The following HS3ST1 variants were observed in gnomAD, a reference collection of about 807,000 sequenced individuals.
HS3ST1 encodes the protein heparan sulfate-glucosamine 3-sulfotransferase 1.
In HS3ST1, 8 loss-of-function variants were observed where a neutral mutation model predicts 20.7. The ratio of observed to expected loss-of-function variants is 0.39; its 90% CI spans 0.23 to 0.70. The LOEUF is 0.70. HS3ST1 is among the 30% of genes least tolerant of loss of function. HS3ST1 has a pLI of 0.46. For missense variants in HS3ST1, 436 were observed against 423.4 expected, an observed-to-expected ratio of 1.03 and a Z score of -0.26; for synonymous variants, 205 against 190.4, an observed-to-expected ratio of 1.08 and a Z score of -0.63.
At chr4:11,433,971 A>G (rs1329033741), upstream of HS3ST1, among the ~76,000 whole-genome samples, 1 of 152,246 alleles carries the variant, frequency 6.6e-6, no homozygotes, top group African/African-American at 2.4e-5. Context: ...CAATCAGCAC[A>G]TGCTGTTTCT....
intron 1 of HS3ST1, among the ~76,000 whole-genome samples, chr4:11,420,852 C>T (rs914667162): frequency 6.6e-6 from 1 of 152,210 alleles, no homozygotes; most frequent in African/African-American, 2.4e-5. Flanking sequence ...CAAGTCATTT[C>T]ACCTTGAAGA....
Position 11,399,764 on chromosome 4 carries a change from G to T in HS3ST1, c.242C>A (p.Ala81Glu), listed in dbSNP as rs762454446. Residue 81 changes from alanine to glutamate, a missense_variant, in exon 2 of 2, where the codon GCG (alanine) becomes GAG (glutamate). Ala to Glu is a moderately radical substitution (Grantham distance 107, BLOSUM62 -1). Coordinates refer to ENST00000002596, the MANE Select transcript of HS3ST1 (RefSeq NM_005114.4). This position sits in a 1 kb window ranked among gnomAD's most constrained non-coding sequence, Gnocchi z 5.1. ...GAAGTGGACCTCGTTCTCCGCGGCC[G>T]CCACGTCGGGGTGCAGGCTGAGCAT... ...LEMLSLHPDV[A>E]AAENEVHFFD... The T allele has an allele frequency of 1.9e-6, 3 of 1,613,706 alleles. No individual in the cohort carries two copies. The highest frequency in any genetic ancestry group is 2.2e-5 in the South Asian group (2 of 91,082).
intron 1 of HS3ST1, among the ~76,000 whole-genome samples, chr4:11,426,934 G>C (rs1719075518): frequency 6.6e-6 from 1 of 152,250 alleles, no homozygotes; most frequent in African/African-American, 2.4e-5. Context: ...ATTTGCAGCG[G>C]AGCGCGCGTC....
chr4:11,408,249 A>G (rs1365963092), intron 1 of HS3ST1, among the ~76,000 whole-genome samples: 1 of 152,184 alleles, frequency 6.6e-6, no homozygotes, highest in Non-Finnish European at 1.5e-5. Flanking sequence ...TACTGTGAGG[A>G]TTAAATAAAA....
At chr4:11,406,479 G>C (rs1718468456) in intron 1 of HS3ST1, among the ~76,000 whole-genome samples, 1 of 152,190 alleles carries the variant, frequency 6.6e-6, no homozygotes, top group African/African-American at 2.4e-5. Context: ...CTGGCACACA[G>C]TTATTCAACA....
chr4:11,401,595 C>T (rs762724573), intron 1 of HS3ST1, among the ~76,000 whole-genome samples: 14 of 152,126 alleles, frequency 9.2e-5, no homozygotes, highest in Non-Finnish European at 1.3e-4. Context: ...CTGCCTGCCT[C>T]GGCCTCCCAA....
intron 1 of HS3ST1, chr4:11,413,975 CAAAG>C (rs1033971333): frequency 7.2e-5 from 11 of 151,964 alleles, no homozygotes; most frequent in African/African-American, 2.7e-4. Flanking sequence ...GAAGGAAAAA[CAAAG>C]ATATTGGCAG....
At chr4:11,422,825 G>T (rs535686638) in intron 1 of HS3ST1, among the ~76,000 whole-genome samples, 1 of 151,754 alleles carries the variant, frequency 6.6e-6, no homozygotes, top group African/African-American at 2.4e-5. Flanking sequence ...AAAAATTTCC[G>T]TGGACGATGG....
intron 1 of HS3ST1, among the ~76,000 whole-genome samples, chr4:11,412,758 A>G (rs185969023): frequency 4.5e-4 from 68 of 152,334 alleles, no homozygotes; most frequent in Middle Eastern, 6.8e-3. Context: ...GAAATAATCT[A>G]TGAAGAATGC....
chr4:11,433,402 A>C (rs1308875294), upstream of HS3ST1, among the ~76,000 whole-genome samples: 1 of 152,182 alleles, frequency 6.6e-6, no homozygotes, highest in African/African-American at 2.4e-5. Context: ...CAAATAGAAT[A>C]TTGCTTTTAT....
intron 1 of HS3ST1, among the ~76,000 whole-genome samples, chr4:11,402,363 G>A (rs1411799925): frequency 6.6e-6 from 1 of 152,216 alleles, no homozygotes; most frequent in Non-Finnish European, 1.5e-5. Context: ...TGAGGTTTCA[G>A]GTTGGTTCTA....
intron 1 of HS3ST1, among the ~76,000 whole-genome samples, chr4:11,407,163 T>C (rs1156252381): frequency 6.6e-6 from 1 of 152,216 alleles, no homozygotes; most frequent in Non-Finnish European, 1.5e-5. Context: ...TTTGTTTGGA[T>C]TTCCTTATGG....
At chr4:11,426,197 C>T (rs1020994899) in intron 1 of HS3ST1, among the ~76,000 whole-genome samples, 1 of 152,146 alleles carries the variant, frequency 6.6e-6, no homozygotes, top group Non-Finnish European at 1.5e-5. Flanking sequence ...ATTTAGCAAC[C>T]ACGGTGGGGA....
intron 1 of HS3ST1, among the ~76,000 whole-genome samples, chr4:11,418,784 A>G (rs1718852893): frequency 6.6e-6 from 1 of 152,156 alleles, no homozygotes. Context: ...CCTCCACAAG[A>G]TGGCACTCAG....
At chr4:11,409,488 A>G (rs1718560552) in intron 1 of HS3ST1, among the ~76,000 whole-genome samples, 1 of 152,124 alleles carries the variant, frequency 6.6e-6, no homozygotes, top group African/African-American at 2.4e-5. Context: ...GGAAGATAAA[A>G]CAGAGCTCAC....
At chr4:11,416,673 G>A (rs1418075196) in intron 1 of HS3ST1, among the ~76,000 whole-genome samples, 1 of 152,242 alleles carries the variant, frequency 6.6e-6, no homozygotes, top group Non-Finnish European at 1.5e-5. Context: ...CACCAGGCTG[G>A]TGGGGAGGAG....
chr4:11,400,596 G>A (rs1205865994), intron 1 of HS3ST1, among the ~76,000 whole-genome samples: 2 of 152,154 alleles, frequency 1.3e-5, no homozygotes, highest in Non-Finnish European at 2.9e-5. Flanking sequence ...AAGACCCTTT[G>A]GAACTCAGCA....
At chr4:11,418,663 AGGCAGGT>A (rs1045322117) in intron 1 of HS3ST1, among the ~76,000 whole-genome samples, 5 of 152,272 alleles carry the variant, frequency 3.3e-5, no homozygotes, top group Non-Finnish European at 7.4e-5. Flanking sequence ...CCCATGGTGC[AGGCAGGT>A]GGGGCTTAGG....
At chr4:11,426,559 G>A (rs1329930550) in intron 1 of HS3ST1, among the ~76,000 whole-genome samples, 1 of 152,150 alleles carries the variant, frequency 6.6e-6, no homozygotes, top group Non-Finnish European at 1.5e-5. Flanking sequence ...CAGCTTCTCA[G>A]AACAAAAATC....
Sources: gnomAD v4.1 joint callset for allele counts (sites outside exome capture counted in the v4.1 genomes callset) on GRCh38, gnomAD v4.1.1 for gene constraint, Gnocchi (gnomAD v3.1) non-coding constraint, MANE v1.5 for transcripts, NCBI Gene and HGNC (gene_info 2026-07-23, HGNC 2026-07-21) for gene names.